C4BPA: variants seen among roughly 807,000 people sequenced by gnomAD.
The protein encoded by C4BPA is C4b-binding protein alpha chain.
Under a neutral mutation model 63.7 loss-of-function variants are expected in C4BPA, and 31 were observed. That is an observed-to-expected ratio of 0.49 (90% CI 0.37 to 0.66). The LOEUF (loss-of-function observed/expected upper bound fraction) is 0.66, where lower values mean the gene tolerates loss of function less well. Among genes scored for constraint, C4BPA ranks in the 30% least tolerant of loss-of-function variants. The pLI, the probability that C4BPA is intolerant of heterozygous loss-of-function variation, is 0.00. For synonymous variants in C4BPA, 259 were observed against 254.7 expected (o/e 1.02, Z -0.16); for missense variants, 572 against 723.3 (o/e 0.79, Z 2.40).
chr1:207,106,587 G>A (rs149686634), intron 1 of C4BPA, among the ~76,000 whole-genome samples: 5,075 of 149,492 alleles, frequency 0.034, 142 homozygotes, highest in Admixed American at 0.084. Context: ...GACTACAGGC[G>A]CCCGCCACCA....
intron 4 of C4BPA, among the ~76,000 whole-genome samples, chr1:207,116,905 T>C (rs1411640780): frequency 6.6e-6 from 1 of 152,190 alleles, no homozygotes; most frequent in Non-Finnish European, 1.5e-5. Flanking sequence ...TTTGATATTA[T>C]ATAAAATTCA....
Position 207,119,459 on chromosome 1 carries a change from A to G in C4BPA, c.428+3944A>G, listed in dbSNP as rs1684880200. On this transcript the variant is annotated intron_variant, in intron 4 of 11. Transcript: ENST00000367070. ...TAAGTTGACACAACATAAATCTACC[A>G]CAGCTCACTCCTTGTCAAATGTGAT... Among the ~76,000 whole-genome samples, 2 of 93,566 alleles carry G rather than the reference A, an allele frequency of 2.1e-5. 1 individual carries two copies. The highest frequency in any genetic ancestry group is 6.0e-5 in the African/African-American group (2 of 33,462). 61.4% of individuals were successfully genotyped at this position (93,566 alleles called of 152,430 possible).
chr1:207,106,348 C>G (rs1240428054), intron 1 of C4BPA, among the ~76,000 whole-genome samples: 1 of 152,108 alleles, frequency 6.6e-6, no homozygotes, highest in Admixed American at 6.5e-5. Flanking sequence ...CTCAGTGAGA[C>G]AGTCATTCTC....
At chr1:207,124,961 T>C (rs17021206) in intron 6 of C4BPA, among the ~76,000 whole-genome samples, 10,854 of 152,214 alleles carry the variant, frequency 0.071, 531 homozygotes, top group Admixed American at 0.1. Context: ...ACCTATAAGA[T>C]GAAACACATA....
chr1:207,144,537 CT>C lies in C4BPA; in HGVS notation c.1621-3del, dbSNP rs747833096. On this transcript the variant is annotated splice_polypyrimidine_tract_variant and splice_region_variant and intron_variant, in intron 11 of 11. Transcript: ENST00000367070. ...TCTCAATCACACCCACCACTTATAT[CT>C]TTTAGGAGACCCCCGAAGGCTGTGA... 1.3e-6 allele frequency: 2 copies of C among 1,596,572 alleles called. No homozygotes were observed. The highest frequency in any genetic ancestry group is 1.7e-6 in the Non-Finnish European group (2 of 1,172,986).
intron 10 of C4BPA, among the ~76,000 whole-genome samples, chr1:207,141,910 T>A (rs1476290663): frequency 6.6e-6 from 1 of 152,186 alleles, no homozygotes; most frequent in Non-Finnish European, 1.5e-5. Flanking sequence ...AGGAGAATAA[T>A]AGTCAAGAAG....
intron 9 of C4BPA, among the ~76,000 whole-genome samples, chr1:207,140,527 T>G (rs1214380471): frequency 6.6e-6 from 1 of 151,820 alleles, no homozygotes; most frequent in Non-Finnish European, 1.5e-5. Context: ...AACTTTCTCA[T>G]GCAGTGTTTG....
chr1:207,133,602 A>C (rs894913443), intron 8 of C4BPA, among the ~76,000 whole-genome samples: 1 of 152,136 alleles, frequency 6.6e-6, no homozygotes, highest in Non-Finnish European at 1.5e-5. Context: ...TTGTCTACCA[A>C]AAAATTAAAA....
chr1:207,143,898 A>G lies in C4BPA; in HGVS notation c.1525A>G (p.Ile509Val). Residue 509 changes from isoleucine (I) to valine (V), a missense_variant, in exon 11 of 12, where the codon ATC (isoleucine) becomes GTC (valine). This residue lies in a region of C4BPA where 465 missense variants were observed against 629.4 expected (regional missense o/e 0.74). Coordinates refer to ENST00000367070, the MANE Select transcript of C4BPA (RefSeq NM_000715.4). ...DQYVEPENVT[I>V]QCDSGYGVVG... is the part of the protein sequence containing the mutation. ...GTATGTTGAGCCTGAAAATGTCACC[A>G]TCCAATGTGATTCTGGCTATGGTGT... 1.2e-6 allele frequency: 2 copies of G among 1,613,156 alleles called. No individual in the cohort carries two copies. Among genetic ancestry groups the G allele is most frequent in the Non-Finnish European group, 1.7e-6 (2 of 1,179,494 alleles).
At position 207,144,936 on chromosome 1, in the gene C4BPA, A is replaced by T. The variant is rs1685502693; in HGVS notation, c.*219A>T. The T allele has an allele frequency of 6.8e-6, 2 of 295,968 alleles. No individual in the cohort carries two copies. The highest frequency in any genetic ancestry group is 2.2e-5 in the African/African-American group (1 of 45,864). 18.3% of individuals were successfully genotyped at this position (295,968 alleles called of 1,614,324 possible). ...TTGCTTTTCAACACACAAAGCACAA[A>T]TTTTTTTTCGATTAAAAATGTATGT... On this transcript the variant is annotated 3_prime_UTR_variant, in exon 12 of 12. Coordinates refer to ENST00000367070, the MANE Select transcript of C4BPA (RefSeq NM_000715.4).
chr1:207,115,767 C>T (rs1684773081), intron 4 of C4BPA, among the ~76,000 whole-genome samples: 1 of 152,136 alleles, frequency 6.6e-6, no homozygotes, highest in Admixed American at 6.5e-5. Context: ...TTATTTTCCC[C>T]CCTTTCCTCT....
chr1:207,110,776 A>C (rs1280058613), intron 1 of C4BPA, among the ~76,000 whole-genome samples: 1 of 152,210 alleles, frequency 6.6e-6, no homozygotes, highest in Non-Finnish European at 1.5e-5. Context: ...ATTTAATCTT[A>C]TGGTTGTATT....
Position 207,114,302 on chromosome 1 carries a change from A to AT in C4BPA, c.328+24dup, listed in dbSNP as rs779026666. 2 of 1,564,820 alleles carry AT rather than the reference A, an allele frequency of 1.3e-6. No homozygotes were observed. Among genetic ancestry groups the AT allele is most frequent in the Non-Finnish European group, 8.7e-7 (1 of 1,154,584 alleles). ...TCTGTATCTGTAAGTATCAACATTTATTTTTTTCCTTTGCTTTTCCTATCT... is the reference window on the plus strand; with the variant it reads ...TCTGTATCTGTAAGTATCAACATTTATTTTTTTTCCTTTGCTTTTCCTATCT... On this transcript the variant is annotated intron_variant, in intron 3 of 11. Coordinates refer to ENST00000367070, the MANE Select transcript of C4BPA (RefSeq NM_000715.4).
At chr1:207,133,510 C>T (rs1230554831) in intron 8 of C4BPA, among the ~76,000 whole-genome samples, 1 of 152,128 alleles carries the variant, frequency 6.6e-6, no homozygotes, top group African/African-American at 2.4e-5. Context: ...ACATGTGTGA[C>T]CCCAGCACTT....
chr1:207,113,152 T>TTGCC lies in C4BPA; in HGVS notation c.131_134dup (p.Val46CysfsTer24). On this transcript the variant is annotated frameshift_variant, in exon 2 of 12. Coordinates refer to ENST00000367070, the MANE Select transcript of C4BPA (RefSeq NM_000715.4). LOFTEE classifies it high-confidence loss of function. ...CCAAATGACCTTGATCGCTGCTCTG[T>TTGCC]TGCCTGCTGTTCTTGGTGAGTAGTG... 6.2e-7 allele frequency: 1 copy of TTGCC among 1,610,952 alleles called. No individual in the cohort carries two copies. Among genetic ancestry groups the TTGCC allele is most frequent in the Non-Finnish European group, 8.5e-7 (1 of 1,178,846 alleles).
At chr1:207,108,912 G>A (rs1265454162) in intron 1 of C4BPA, among the ~76,000 whole-genome samples, 1 of 151,982 alleles carries the variant, frequency 6.6e-6, no homozygotes, top group Non-Finnish European at 1.5e-5. Context: ...TAGTAGAGAC[G>A]GGGTTTCACC....
At chr1:207,109,867 A>G (rs558997568) in intron 1 of C4BPA, among the ~76,000 whole-genome samples, 2 of 152,360 alleles carry the variant, frequency 1.3e-5, no homozygotes, top group South Asian at 4.1e-4. Flanking sequence ...TCTCATTAAA[A>G]TACAGGTGTT....
intron 1 of C4BPA, among the ~76,000 whole-genome samples, chr1:207,108,967 C>T (rs138799682): frequency 1.3e-5 from 2 of 151,952 alleles, no homozygotes; most frequent in East Asian, 3.9e-4. Flanking sequence ...GTGATCTGCC[C>T]GCCTCAGCCT....
intron 4 of C4BPA, among the ~76,000 whole-genome samples, chr1:207,115,766 C>T (rs953651539): frequency 3.3e-5 from 5 of 152,074 alleles, no homozygotes; most frequent in African/African-American, 1.2e-4. Flanking sequence ...CTTATTTTCC[C>T]CCCTTTCCTC....
Sources: gnomAD v4.1 joint callset for allele counts (sites outside exome capture counted in the v4.1 genomes callset) on GRCh38, gnomAD v4.1.1 for gene constraint, gnomAD v4.1.1 regional missense constraint, MANE v1.5 for transcripts, NCBI Gene and HGNC (gene_info 2026-07-23, HGNC 2026-07-21) for gene names.